Variants in DPP10 observed in about 807,000 individuals in gnomAD.
DPP10 encodes the protein dipeptidyl peptidase like 10.
DPP10 carries 33 observed loss-of-function variants against 120.9 expected under a neutral mutation model. The ratio of observed to expected loss-of-function variants is 0.27; its 90% CI spans 0.21 to 0.37. DPP10 has a LOEUF of 0.37. DPP10 is among the 10% of genes least tolerant of loss of function. The pLI is 1.00. For synonymous variants in DPP10, 337 were observed against 326.1 expected (o/e 1.03, Z -0.36); for missense variants, 816 against 942.8 (o/e 0.87, Z 1.76).
chr2:115,282,295 A>G (rs2060192774), intron 1 of DPP10, among the ~76,000 whole-genome samples: 2 of 151,948 alleles, frequency 1.3e-5, no homozygotes, highest in African/African-American at 2.4e-5. Context: ...AACTATTACA[A>G]TTTTTAGACT....
At chr2:115,639,076 T>G (rs2086576723) in intron 5 of DPP10, among the ~76,000 whole-genome samples, 1 of 152,124 alleles carries the variant, frequency 6.6e-6, no homozygotes, top group Admixed American at 6.5e-5. Context: ...AGTGGTAGGT[T>G]TGGGGCCACC....
chr2:115,816,195 A>G (rs1028213572), intron 21 of DPP10, among the ~76,000 whole-genome samples: 2 of 152,202 alleles, frequency 1.3e-5, no homozygotes, highest in Non-Finnish European at 1.5e-5. Flanking sequence ...GTAAAGAGGT[A>G]AATGAAAAAC....
At chr2:115,525,723 C>A (rs1353793634) in intron 4 of DPP10, among the ~76,000 whole-genome samples, 175 bp from the exon 5 acceptor site, 1 of 151,846 alleles carries the variant, frequency 6.6e-6, no homozygotes, top group Non-Finnish European at 1.5e-5. Context: ...CCTCTTTAAG[C>A]TTTTTATATT....
At chr2:115,063,362 C>A (rs1559049665) in intron 1 of DPP10, among the ~76,000 whole-genome samples, 2 of 152,098 alleles carry the variant, frequency 1.3e-5, no homozygotes, top group Admixed American at 6.6e-5. Context: ...ATGATAGTTT[C>A]TTTTGCTGTG....
intron 1 of DPP10, among the ~76,000 whole-genome samples, chr2:114,646,066 A>G (rs1573874178): frequency 6.6e-6 from 1 of 152,150 alleles, no homozygotes; most frequent in East Asian, 1.9e-4. Flanking sequence ...AGGCCGAGGC[A>G]GGAGAATTGC....
intron 1 of DPP10, among the ~76,000 whole-genome samples, chr2:115,053,032 G>A (rs1297362749): frequency 1.3e-5 from 2 of 151,860 alleles, no homozygotes; most frequent in Non-Finnish European, 2.9e-5. Context: ...ATTATTGGGA[G>A]TATAAAATGA....
At chr2:115,568,916 T>C (rs2149081898) in intron 5 of DPP10, among the ~76,000 whole-genome samples, 1 of 152,360 alleles carries the variant, frequency 6.6e-6, no homozygotes, top group South Asian at 2.1e-4. Flanking sequence ...TGTGGCATTT[T>C]AATCCTTTCT....
At chr2:115,500,757 TATGTACAGC>T (rs764252099) in intron 4 of DPP10, among the ~76,000 whole-genome samples, 2 of 152,004 alleles carry the variant, frequency 1.3e-5, no homozygotes, top group Non-Finnish European at 2.9e-5. Context: ...ATGTCAAGGA[TATGTACAGC>T]AGATTGCCTA....
intron 3 of DPP10, among the ~76,000 whole-genome samples, chr2:115,497,644 G>C (rs1174549975): frequency 1.3e-5 from 2 of 150,256 alleles, no homozygotes; most frequent in African/African-American, 4.9e-5. Context: ...ATCAAGAAGT[G>C]GGCCAGAGAT....
At chr2:115,456,434 A>G (rs1226021355) in intron 3 of DPP10, among the ~76,000 whole-genome samples, 1 of 152,160 alleles carries the variant, frequency 6.6e-6, no homozygotes, top group South Asian at 2.1e-4. Flanking sequence ...TAGAAATACC[A>G]TTTGACCCAG....
intron 5 of DPP10, among the ~76,000 whole-genome samples, chr2:115,548,523 G>C (rs1019184898): frequency 6.6e-6 from 1 of 152,098 alleles, no homozygotes; most frequent in East Asian, 1.9e-4. Context: ...TAGAAAGTCA[G>C]TGATGCAATG....
chr2:114,684,963 C>T lies in DPP10; in HGVS notation c.60+242125C>T, dbSNP rs148311171. On this transcript the variant is annotated intron_variant, in intron 1 of 25. Coordinates refer to ENST00000410059, the MANE Select transcript of DPP10 (RefSeq NM_020868.6). ...ATTGAATTTTTAAGCATTTACTGAA[C>T]ATTCCTAATTTGTCTGTATGGAGGT... 2.6e-5 allele frequency among the ~76,000 whole-genome samples: 4 copies of T among 152,072 alleles called. No homozygotes were observed. The East Asian group carries it at 7.8e-4, about 30-fold the overall frequency.
At chr2:115,337,081 A>G (rs2063183993) in intron 2 of DPP10, among the ~76,000 whole-genome samples, 1 of 152,008 alleles carries the variant, frequency 6.6e-6, no homozygotes, top group Non-Finnish European at 1.5e-5. Context: ...ATTGCCTGTA[A>G]CAATGAGCAG....
chr2:114,802,989 T>A (rs1684393554), intron 1 of DPP10, among the ~76,000 whole-genome samples: 1 of 152,176 alleles, frequency 6.6e-6, no homozygotes, highest in Non-Finnish European at 1.5e-5. Flanking sequence ...TGAAATGAGA[T>A]GGCTGTGTCC....
At chr2:114,528,866 C>T (rs1464586466) in intron 1 of DPP10, among the ~76,000 whole-genome samples, 1 of 151,912 alleles carries the variant, frequency 6.6e-6, no homozygotes, top group African/African-American at 2.4e-5. Flanking sequence ...GCCTCCAAAC[C>T]ATTCACTTCT....
chr2:114,536,618 G>GCC (rs1686522662), intron 1 of DPP10, among the ~76,000 whole-genome samples: 1 of 151,894 alleles, frequency 6.6e-6, no homozygotes, highest in Non-Finnish European at 1.5e-5. Flanking sequence ...TGTTAGCCAG[G>GCC]ATGGTCTCGA....
intron 1 of DPP10, among the ~76,000 whole-genome samples, chr2:114,995,011 G>A (rs1240810526): frequency 1.3e-5 from 2 of 152,272 alleles, no homozygotes; most frequent in East Asian, 3.9e-4. Flanking sequence ...TTTTGACGCT[G>A]AGCTTGACCA....
At chr2:114,587,207 A>G (rs968008605) in intron 1 of DPP10, among the ~76,000 whole-genome samples, 18 of 151,492 alleles carry the variant, frequency 1.2e-4, no homozygotes, top group African/African-American at 4.4e-4. Flanking sequence ...AGGCTGAGGC[A>G]GGAAAATCGC....
chr2:115,406,539 G>A (rs2104536243), intron 3 of DPP10, among the ~76,000 whole-genome samples: 1 of 152,208 alleles, frequency 6.6e-6, no homozygotes, highest in East Asian at 1.9e-4. Context: ...CTGTCTATAA[G>A]AGATGAGACT....
Sources: gnomAD v4.1 joint callset for allele counts (sites outside exome capture counted in the v4.1 genomes callset) on GRCh38, gnomAD v4.1.1 for gene constraint, MANE v1.5 for transcripts, NCBI Gene and HGNC (gene_info 2026-07-23, HGNC 2026-07-21) for gene names.